The following HSF2BP variants were observed in gnomAD, a reference collection of about 807,000 sequenced individuals.
HSF2BP encodes the protein heat shock factor 2-binding protein.
A neutral mutation model predicts 35.0 loss-of-function variants in HSF2BP; 35 were observed. The ratio of observed to expected loss-of-function variants is 1.00; its 90% confidence interval spans 0.76 to 1.32. The LOEUF is 1.32. HSF2BP is among the 40% of genes most tolerant of loss of function. The pLI is 0.00. For missense variants in HSF2BP, 326 were observed against 321.7 expected (o/e 1.01, Z -0.10); for synonymous variants, 114 against 117.4 (o/e 0.97, Z 0.18).
chr21:43,612,273 G>C (rs1306787261), intron 7 of HSF2BP, among the ~76,000 whole-genome samples: 2 of 152,174 alleles, frequency 1.3e-5, no homozygotes, highest in East Asian at 3.9e-4. Flanking sequence ...AACTCTCATG[G>C]GAAAAAACAA....
the HSF2BP span, among the ~76,000 whole-genome samples, chr21:43,499,966 C>G: frequency 1.1e-5 from 1 of 94,068 alleles, no homozygotes; most frequent in East Asian, 2.5e-4. Flanking sequence ...ACCATACATG[C>G]ACACACATCA....
chr21:43,631,855 G>A (rs1258735481), intron 5 of HSF2BP, among the ~76,000 whole-genome samples: 1 of 151,976 alleles, frequency 6.6e-6, no homozygotes, highest in African/African-American at 2.4e-5. Context: ...ATGCCTGCAC[G>A]CATGCATACA....
chr21:43,616,051 A>AT (rs200664505), intron 6 of HSF2BP, among the ~76,000 whole-genome samples: 5,731 of 142,392 alleles, frequency 0.04, 348 homozygotes, highest in African/African-American at 0.13. Context: ...GAAAAAAAAA[A>AT]AATATATATA....
At chr21:43,644,485 G>T in intron 3 of HSF2BP, 93 bp from the exon 4 acceptor site, 2 of 895,926 alleles carry the variant, frequency 2.2e-6, no homozygotes, top group Non-Finnish European at 1.8e-6. Context: ...AGTAAAATGT[G>T]TACTGATTTC....
At chr21:43,623,077 T>C (rs554286250) in intron 6 of HSF2BP, among the ~76,000 whole-genome samples, 7 of 152,246 alleles carry the variant, frequency 4.6e-5, no homozygotes, top group Non-Finnish European at 7.3e-5. Flanking sequence ...GTGCTAGGAT[T>C]ACAGGCATGG....
chr21:43,613,452 A>C (rs2082233357), intron 7 of HSF2BP, among the ~76,000 whole-genome samples: 1 of 152,230 alleles, frequency 6.6e-6, no homozygotes, highest in South Asian at 2.1e-4. Flanking sequence ...CTGACTTGCC[A>C]AACTATGAAA....
At position 43,648,092 on chromosome 21, in the gene HSF2BP, C is replaced by T. The variant is rs143763785; in HGVS notation, c.188-3700G>A. ...ACGGGTGATATTAAAACACCACACA[C>T]CTCTTCCGCCTCCATCTTGACCACC... On this transcript the variant is annotated intron_variant, in intron 3 of 8. Transcript: ENST00000291560. Among the ~76,000 whole-genome samples the T allele has an allele frequency of 6.3e-3, 956 of 152,276 alleles. 2 individuals are homozygous for T. The highest frequency in any genetic ancestry group is 0.054 in the Middle Eastern group (16 of 294).
chr21:43,614,878 A>C (rs2082251890), intron 6 of HSF2BP, among the ~76,000 whole-genome samples: 1 of 152,208 alleles, frequency 6.6e-6, no homozygotes, highest in South Asian at 2.1e-4. Context: ...AACTGAAATT[A>C]TATGTAGTCA....
At chr21:43,609,786 A>C (rs2082180840) in intron 7 of HSF2BP, 1 of 152,388 alleles carries the variant, frequency 6.6e-6, no homozygotes, top group African/African-American at 2.4e-5. Flanking sequence ...GGCCCCTCTC[A>C]GGCTGGTGCA....
chr21:43,602,124 T>C (rs2082059505), intron 7 of HSF2BP, among the ~76,000 whole-genome samples: 2 of 152,230 alleles, frequency 1.3e-5, no homozygotes, highest in Admixed American at 6.5e-5. Context: ...TTCTCTGTCC[T>C]GGACTCCACA....
intron 6 of HSF2BP, among the ~76,000 whole-genome samples, chr21:43,619,828 T>C (rs2082311625): frequency 6.6e-6 from 1 of 152,156 alleles, no homozygotes; most frequent in Admixed American, 6.5e-5. Flanking sequence ...CTCTGTAACT[T>C]GGCCAGAGAA....
chr21:43,584,545 T>C (rs2081820292), intron 8 of HSF2BP, among the ~76,000 whole-genome samples: 1 of 152,188 alleles, frequency 6.6e-6, no homozygotes, highest in South Asian at 2.1e-4. Flanking sequence ...CTCATAGACA[T>C]ACCCAGAGTT....
Position 43,639,492 on chromosome 21 carries a change from G to A in HSF2BP, c.291+4797C>T, listed in dbSNP as rs79827122. Among the ~76,000 whole-genome samples the A allele has an allele frequency of 5.1e-3, 773 of 151,902 alleles. 3 individuals carry two copies. Among genetic ancestry groups the A allele is most frequent in the African/African-American group, 0.018 (727 of 41,420 alleles). ...CAATTAGAACATGGGTAAAAGACAC[G>A]AAAAAAACATTTCATAAAAGAGAAT... On this transcript the variant is annotated intron_variant, in intron 4 of 8. Coordinates refer to ENST00000291560, the MANE Select transcript of HSF2BP (RefSeq NM_007031.2).
chr21:43,635,069 T>C (rs1201720637), intron 4 of HSF2BP, among the ~76,000 whole-genome samples: 2 of 150,248 alleles, frequency 1.3e-5, no homozygotes, highest in African/African-American at 5.0e-5. Flanking sequence ...ACACATAGTA[T>C]AATAATATCA....
chr21:43,577,621 G>C (rs564361624), intron 8 of HSF2BP, among the ~76,000 whole-genome samples: 1 of 152,302 alleles, frequency 6.6e-6, no homozygotes, highest in South Asian at 2.1e-4. Context: ...TCTGGATGTA[G>C]CTACTCAGGT....
At chr21:43,580,147 A>G (rs1416240370) in intron 8 of HSF2BP, among the ~76,000 whole-genome samples, 1 of 152,046 alleles carries the variant, frequency 6.6e-6, no homozygotes, top group Non-Finnish European at 1.5e-5. Flanking sequence ...TGACTCCCAA[A>G]CCCATGTCAC....
chr21:43,583,663 G>A (rs1371130220), intron 8 of HSF2BP, among the ~76,000 whole-genome samples: 8 of 146,864 alleles, frequency 5.4e-5, no homozygotes, highest in African/African-American at 1.5e-4. Context: ...ACCTGCTGAG[G>A]GAGATGAGGA....
intron 8 of HSF2BP, among the ~76,000 whole-genome samples, chr21:43,590,405 T>C (rs898522843): frequency 6.6e-6 from 1 of 152,204 alleles, no homozygotes; most frequent in African/African-American, 2.4e-5. Flanking sequence ...ACAAGCACTT[T>C]GGAAAACAGG....
intron 3 of HSF2BP, among the ~76,000 whole-genome samples, chr21:43,645,241 C>A (rs1487504846): frequency 6.6e-6 from 1 of 152,132 alleles, no homozygotes; most frequent in African/African-American, 2.4e-5. Context: ...CAAACTTTAG[C>A]GTACATCAGA....
Sources: gnomAD v4.1 joint callset for allele counts (sites outside exome capture counted in the v4.1 genomes callset) on GRCh38, gnomAD v4.1.1 for gene constraint, MANE v1.5 for transcripts, NCBI Gene and HGNC (gene_info 2026-07-23, HGNC 2026-07-21) for gene names.